The following GABBR2 variants were observed in gnomAD, a reference collection of about 807,000 sequenced individuals.
The protein encoded by GABBR2 is gamma-aminobutyric acid type B receptor subunit 2.
In GABBR2, 23 loss-of-function variants were observed where a neutral mutation model predicts 105.6. The observed-to-expected ratio is 0.22, with a 90% CI of 0.16 to 0.31. The LOEUF is 0.31. Ranked by LOEUF, GABBR2 falls within the 10% of genes least tolerant of loss-of-function variation. The probability of loss-of-function intolerance (pLI) is 1.00; values close to 1 mark genes in which losing one functional copy is unlikely to be tolerated. For missense variants in GABBR2, 734 were observed against 1,245.5 expected (o/e 0.59, Z 6.18); for synonymous variants, 478 against 499.7 (o/e 0.96, Z 0.58).
In GABBR2 at chr9:98,469,649, AC is replaced by A. The variant is rs370728415; in HGVS notation, c.999+3496del. Reference sequence around the variant, plus strand: ...GCCTTAAGTTAATTACACCTGCAAAACCCCCCTTTTCCAAACAAGGTCACAC... The same window carrying A: ...GCCTTAAGTTAATTACACCTGCAAAACCCCCTTTTCCAAACAAGGTCACAC... On this transcript the variant is annotated intron_variant, in intron 6 of 18. Transcript: ENST00000259455. 1.7e-3 allele frequency among the ~76,000 whole-genome samples: 264 copies of A among 151,506 alleles called. 9 individuals are homozygous for A. The South Asian group carries it at 0.054, about 31-fold the overall frequency.
intron 7 of GABBR2, among the ~76,000 whole-genome samples, chr9:98,445,907 T>C (rs1448292501): frequency 6.6e-6 from 1 of 152,218 alleles, no homozygotes; most frequent in Admixed American, 6.5e-5. Context: ...TTGTGTGTAA[T>C]GCTGAGTGGT....
rs1554713612 is a variant in GABBR2 at position 98,514,422 on chromosome 9, TAAA to T, written c.631-17911_631-17909del. Reference sequence around the variant, plus strand: ...AGTATAATAATAATAATAATAATAATAAAAAAGAAAATGTGGCACATACACACC... The same window carrying T: ...AGTATAATAATAATAATAATAATAATAAAGAAAATGTGGCACATACACACC... On this transcript the variant is annotated intron_variant, in intron 3 of 18. Transcript: ENST00000259455. Among the ~76,000 whole-genome samples the T allele has an allele frequency of 3.1e-3, 174 of 55,778 alleles. 17 individuals are homozygous for T. Among genetic ancestry groups the T allele is most frequent in the African/African-American group, 8.0e-3 (141 of 17,720 alleles). The allele number at this position is 55,778 out of a possible 152,430, so 36.6% of individuals were successfully genotyped here.
At chr9:98,476,004 C>A (rs1352563566) in intron 5 of GABBR2, among the ~76,000 whole-genome samples, 4 of 152,146 alleles carry the variant, frequency 2.6e-5, no homozygotes, top group African/African-American at 9.7e-5. Flanking sequence ...GCAGAAGTTG[C>A]AGTGAGCTGA....
chr9:98,670,856 T>C (rs1188747208), intron 1 of GABBR2, among the ~76,000 whole-genome samples: 1 of 152,166 alleles, frequency 6.6e-6, no homozygotes, highest in Non-Finnish European at 1.5e-5. Flanking sequence ...TATGGTTTAA[T>C]GGATACAGAG....
At chr9:98,380,938 A>T (rs902113073) in intron 11 of GABBR2, among the ~76,000 whole-genome samples, 6 of 152,240 alleles carry the variant, frequency 3.9e-5, no homozygotes, top group Admixed American at 1.3e-4. Flanking sequence ...GGGAGAAAAA[A>T]GCGGCATGTA....
chr9:98,696,083 T>C (rs1183067119), intron 1 of GABBR2, among the ~76,000 whole-genome samples: 1 of 152,174 alleles, frequency 6.6e-6, no homozygotes, highest in Non-Finnish European at 1.5e-5. Flanking sequence ...CCAACAAAAG[T>C]TAACTTGCGG....
At chr9:98,685,261 G>C in intron 1 of GABBR2, among the ~76,000 whole-genome samples, 1 of 152,222 alleles carries the variant, frequency 6.6e-6, no homozygotes, top group Non-Finnish European at 1.5e-5. Flanking sequence ...TGGTTTGGCA[G>C]GGGCTCTCAG....
intron 2 of GABBR2, among the ~76,000 whole-genome samples, chr9:98,542,423 C>T (rs984169185): frequency 3.3e-5 from 5 of 152,278 alleles, no homozygotes; most frequent in Middle Eastern, 3.4e-3. Context: ...AAAAACTCTT[C>T]GTAAACCTTA....
At chr9:98,414,506 T>C (rs560729466) in intron 7 of GABBR2, among the ~76,000 whole-genome samples, 83 of 152,320 alleles carry the variant, frequency 5.4e-4, no homozygotes, top group African/African-American at 1.9e-3. Flanking sequence ...GAGCTTCATT[T>C]TGAATGCAAG....
At chr9:98,457,546 T>A (rs1826347267) in intron 6 of GABBR2, among the ~76,000 whole-genome samples, 1 of 152,162 alleles carries the variant, frequency 6.6e-6, no homozygotes, top group African/African-American at 2.4e-5. Flanking sequence ...AACTCATCTA[T>A]CTCAAAAAAC....
intron 1 of GABBR2, among the ~76,000 whole-genome samples, chr9:98,677,465 G>C (rs1340910242): frequency 3.9e-5 from 6 of 152,198 alleles, no homozygotes; most frequent in Non-Finnish European, 5.9e-5. Context: ...TGGTCCTCAT[G>C]GTGGTTATTG....
chr9:98,605,119 C>G (rs981912700), intron 1 of GABBR2, among the ~76,000 whole-genome samples: 24 of 152,238 alleles, frequency 1.6e-4, no homozygotes, highest in Non-Finnish European at 4.4e-5. Flanking sequence ...TCAGGGTGTG[C>G]CCATGAGACG....
intron 1 of GABBR2, among the ~76,000 whole-genome samples, chr9:98,628,188 C>T (rs973127552): frequency 6.6e-6 from 1 of 152,288 alleles, no homozygotes; most frequent in Admixed American, 6.5e-5. Context: ...AAACCGTTTA[C>T]ATTTTAGCTC....
At chr9:98,555,612 T>C (rs1376890131) in intron 2 of GABBR2, 1 of 152,200 alleles carries the variant, frequency 6.6e-6, no homozygotes, top group Non-Finnish European at 1.5e-5. Flanking sequence ...AGAAGTGTTC[T>C]CGTGTGATCA....
intron 13 of GABBR2, among the ~76,000 whole-genome samples, chr9:98,323,312 C>T (rs1336001949): frequency 6.6e-6 from 1 of 152,244 alleles, no homozygotes; most frequent in Non-Finnish European, 1.5e-5. Flanking sequence ...CACGAGCAGG[C>T]TCTGTGGTCA....
intron 7 of GABBR2, among the ~76,000 whole-genome samples, chr9:98,417,268 G>A (rs192301304): frequency 6.6e-6 from 1 of 152,324 alleles, no homozygotes; most frequent in East Asian, 1.9e-4. Context: ...CACTGGCCAA[G>A]AGCATTTGCT....
chr9:98,303,106 C>T (rs962610699), intron 16 of GABBR2, 135 bp downstream of exon 16: 7 of 640,128 alleles, frequency 1.1e-5, no homozygotes, highest in African/African-American at 1.9e-5. Context: ...CTGGCTCTCG[C>T]AGCTGCAACT....
At position 98,427,609 on chromosome 9, in the gene GABBR2, G is replaced by A. The variant is rs7857559; in HGVS notation, c.1237-21468C>T. Among the ~76,000 whole-genome samples the A allele has an allele frequency of 1.0e-2, 1,522 of 152,284 alleles. 19 individuals carry two copies. Among genetic ancestry groups the A allele is most frequent in the African/African-American group, 0.035 (1,438 of 41,544 alleles). ...CTTCCACATTGAATAGGGCTGGCCC[G>A]TGTAACTTGTAGGATATGTCTAGAG... On this transcript the variant is annotated intron_variant, in intron 7 of 18. Coordinates refer to ENST00000259455, the MANE Select transcript of GABBR2 (RefSeq NM_005458.8).
intron 18 of GABBR2, among the ~76,000 whole-genome samples, chr9:98,292,195 GC>G (rs1830312922): frequency 6.6e-6 from 1 of 152,168 alleles, no homozygotes; most frequent in Non-Finnish European, 1.5e-5. Context: ...TGTTCCCAGT[GC>G]CTGGCCACTC....
Sources: allele counts gnomAD v4.1 joint callset (sites outside exome capture counted in the v4.1 genomes callset), GRCh38; gene constraint gnomAD v4.1.1; transcripts MANE v1.5; gene names NCBI Gene and HGNC (gene_info 2026-07-23, HGNC 2026-07-21).